Variants in MRC2 observed in about 807,000 individuals in gnomAD.
MRC2 encodes mannose receptor C-type 2.
MRC2 carries 84 observed loss-of-function variants against 206.2 expected under a neutral mutation model. That is an observed-to-expected ratio of 0.41 (90% CI 0.34 to 0.49). MRC2 has a LOEUF of 0.49. MRC2 is among the 20% of genes least tolerant of loss of function. MRC2 has a pLI of 0.31. For missense variants in MRC2, 1,676 were observed against 2,001.5 expected, an observed-to-expected ratio of 0.84 and a Z score of 3.10; for synonymous variants, 798 against 800.0, an observed-to-expected ratio of 1.00 and a Z score of 0.04.
rs533881472 is a variant in MRC2 at position 62,664,800 on chromosome 17, G to T, written c.371G>T (p.Arg124Leu). ...REALNLRWHC[R>L]TLGDQLSLLL... ...GCACTGAATCTTCGCTGGCATTGTC[G>T]TACACTGGGTGACCAGCTGTCCTTG... The change falls in exon 2 of 30, where the codon CGT (arginine) becomes CTT (leucine). Residue 124 changes from arginine to leucine, a missense_variant. Arg to Leu is a moderately radical substitution (Grantham distance 102, BLOSUM62 -2). Transcript: ENST00000303375. The surrounding 1 kb of genome is among the most constrained non-coding windows in gnomAD (Gnocchi z 4.7). 6.2e-6 allele frequency: 10 copies of T among 1,613,746 alleles called. No homozygotes were observed. The highest frequency in any genetic ancestry group is 8.5e-6 in the Non-Finnish European group (10 of 1,180,034).
At position 62,652,483 on chromosome 17, in the gene MRC2, A is replaced by ACTC. The variant is rs1479232413; in HGVS notation, c.119-12065_119-12064insCTC. Among the ~76,000 whole-genome samples, 2 of 152,162 alleles carry ACTC rather than the reference A, an allele frequency of 1.3e-5. No homozygotes were observed. Among genetic ancestry groups the ACTC allele is most frequent in the African/African-American group, 4.8e-5 (2 of 41,450 alleles). ...AATTCTGCCCTCAGCGGCCTGGTCA[A>ACTC]TGAGGTTGGATCGTTGGCCCAGAAA... On this transcript the variant is annotated intron_variant, in intron 1 of 29. Transcript: ENST00000303375. This position sits in a 1 kb window ranked among gnomAD's most constrained non-coding sequence, Gnocchi z 4.6.
At position 62,677,350 on chromosome 17, in the gene MRC2, G is replaced by A. The variant is rs767488842; in HGVS notation, c.1916G>A (p.Arg639Gln). 3.7e-6 allele frequency: 6 copies of A among 1,609,168 alleles called. No individual in the cohort carries two copies. Among genetic ancestry groups the A allele is most frequent in the East Asian group, 2.2e-5 (1 of 44,712 alleles). Residue 639 changes from arginine (R) to glutamine (Q), a missense_variant, in exon 12 of 30, where the codon CGG becomes CAG. Around this residue, in one of 3 missense-constraint regions of MRC2, gnomAD observed 1,354 missense variants for 1,636.6 expected, o/e 0.83. Coordinates refer to ENST00000303375, the MANE Select transcript of MRC2 (RefSeq NM_006039.5). ...LWEVKNCTSF[R>Q]ARYICRQSLG... ...GAGGTGAAGAACTGTACCTCGTTCC[G>A]GGCCCGCTACATCTGCCGGCAGAGC...
chr17:62,629,353 C>T (rs1442203846), intron 1 of MRC2, among the ~76,000 whole-genome samples: 1 of 152,212 alleles, frequency 6.6e-6, no homozygotes. Context: ...CCCCCTGGAG[C>T]TTTTCATAGA....
At chr17:62,665,024 C>A in intron 2 of MRC2, 75 bp downstream of exon 2, 1 of 1,481,970 alleles carries the variant, frequency 6.7e-7, no homozygotes, top group Non-Finnish European at 9.0e-7. Context: ...GACAGATTCC[C>A]AGTGACAAGG....
At chr17:62,645,620 A>C (rs1370389415) in intron 1 of MRC2, among the ~76,000 whole-genome samples, 1 of 140,786 alleles carries the variant, frequency 7.1e-6, no homozygotes, top group Non-Finnish European at 1.5e-5. Flanking sequence ...TGCAGCCTCA[A>C]TCTTCTGGGC....
intron 1 of MRC2, among the ~76,000 whole-genome samples, chr17:62,633,889 C>G: frequency 8.2e-6 from 1 of 121,470 alleles, no homozygotes; most frequent in East Asian, 2.6e-4. Context: ...AAAATCCTAA[C>G]TACAGCTGTC....
chr17:62,692,098 C>T lies in MRC2; in HGVS notation c.4193-14C>T. 6.2e-7 allele frequency: 1 copy of T among 1,614,240 alleles called. No homozygotes were observed. Among genetic ancestry groups the T allele is most frequent in the East Asian group, 2.2e-5 (1 of 44,884 alleles). On this transcript the variant is annotated splice_polypyrimidine_tract_variant and intron_variant, in intron 28 of 29. Transcript: ENST00000303375. This position sits in a 1 kb window ranked among gnomAD's most constrained non-coding sequence, Gnocchi z 4.2. ...CACTGCTATTATTAACTGGCCCCCTCCTCTTGCCCACAGCTGAGCAGAGCA... is the reference window on the plus strand; with the variant it reads ...CACTGCTATTATTAACTGGCCCCCTTCTCTTGCCCACAGCTGAGCAGAGCA...
Position 62,688,312 on chromosome 17 carries a change from A to C in MRC2, c.2970A>C (p.Glu990Asp), listed in dbSNP as rs2147492292. The part of the protein sequence containing the change: ...LNKCFQVQGQ[E>D]PQSRVKWSEA... ...AGTGTTTTCAGGTCCAGGGCCAGGAACCCCAGAGCCGGGTGAAGTGGTCAG... is the reference window on the plus strand; with the variant it reads ...AGTGTTTTCAGGTCCAGGGCCAGGACCCCCAGAGCCGGGTGAAGTGGTCAG... The change falls in exon 21 of 30, where the codon GAA becomes GAC. Residue 990 changes from glutamate to aspartate, a missense_variant. By Grantham distance (45) the Glu-to-Asp change is conservative. Transcript: ENST00000303375. 6.2e-7 allele frequency: 1 copy of C among 1,614,078 alleles called. No individual in the cohort carries two copies. The highest frequency in any genetic ancestry group is 8.5e-7 in the Non-Finnish European group (1 of 1,180,014).
intron 1 of MRC2, among the ~76,000 whole-genome samples, chr17:62,631,550 T>G (rs1365365961): frequency 6.6e-6 from 1 of 152,038 alleles, no homozygotes; most frequent in African/African-American, 2.4e-5. Context: ...TTCTGCCTTA[T>G]GTGTTCTCCC....
At chr17:62,635,081 T>C (rs917856971) in intron 1 of MRC2, among the ~76,000 whole-genome samples, 8 of 151,968 alleles carry the variant, frequency 5.3e-5, no homozygotes, top group South Asian at 2.1e-4. Flanking sequence ...TCCACCCGCC[T>C]TGGCCTCCCA....
chr17:62,639,000 C>G (rs956877086), intron 1 of MRC2, among the ~76,000 whole-genome samples: 1 of 152,162 alleles, frequency 6.6e-6, no homozygotes, highest in Admixed American at 6.5e-5. Flanking sequence ...TATAGTTGAT[C>G]ACACTTGAGG....
chr17:62,678,514 C>T lies in MRC2; in HGVS notation c.2063C>T (p.Ser688Leu), dbSNP rs781545437. 3.3e-5 allele frequency: 54 copies of T among 1,612,542 alleles called. No individual in the cohort carries two copies. Among genetic ancestry groups the T allele is most frequent in the Non-Finnish European group, 4.5e-5 (53 of 1,179,448 alleles). The change falls in exon 13 of 30, where the codon TCA becomes TTA. Residue 688 changes from serine (S) to leucine (L), a missense_variant. Coordinates refer to ENST00000303375, the MANE Select transcript of MRC2 (RefSeq NM_006039.5). The stretch of plus-strand genomic sequence containing the variant: ...ACTCTGCCCCTGCAGGTGTTCAGCT[C>T]AGAGCGGCTGCAGGACAAGAAGAGC... ...KLRYCYKVFS[S>L]ERLQDKKSWV...
intron 13 of MRC2, among the ~76,000 whole-genome samples, chr17:62,678,893 A>T (rs550523109): frequency 1.3e-5 from 2 of 152,198 alleles, no homozygotes; most frequent in South Asian, 4.1e-4. Context: ...TGTTTTGCTC[A>T]CCATCATCCC....
At chr17:62,640,104 C>T (rs1284837025) in intron 1 of MRC2, among the ~76,000 whole-genome samples, 1 of 148,564 alleles carries the variant, frequency 6.7e-6, no homozygotes, top group Non-Finnish European at 1.5e-5. Flanking sequence ...CTCCTGACCT[C>T]AGGTGATCTG....
intron 1 of MRC2, among the ~76,000 whole-genome samples, chr17:62,643,955 G>GTATA (rs141987814): frequency 6.6e-6 from 1 of 152,046 alleles, no homozygotes; most frequent in African/African-American, 2.4e-5. Flanking sequence ...GTATATTTAT[G>GTATA]TATATATATG....
chr17:62,677,435 C>T lies in MRC2; in HGVS notation c.2001C>T (p.Gly667=). Residue 667 remains glycine (G), a synonymous_variant, in exon 12 of 30, where the codon GGC becomes GGT. Coordinates refer to ENST00000303375, the MANE Select transcript of MRC2 (RefSeq NM_006039.5). ...CAGATCCCACGCCCAGCCTCACTGG[C>T]TCCTGTCCCCAGGGCTGGGCCTCGG... ...PGPDPTPSLT[G]SCPQGWASDT... 6.2e-7 allele frequency: 1 copy of T among 1,611,582 alleles called. No homozygotes were observed. Among genetic ancestry groups the T allele is most frequent in the South Asian group, 1.1e-5 (1 of 90,836 alleles).
Position 62,667,436 on chromosome 17 carries a change from T to C in MRC2, c.1020T>C (p.Thr340=), listed in dbSNP as rs775398705. 8 of 1,612,186 alleles carry C rather than the reference T, an allele frequency of 5.0e-6. No individual in the cohort carries two copies. Among genetic ancestry groups the C allele is most frequent in the African/African-American group, 2.7e-5 (2 of 74,842 alleles). Residue 340 remains threonine (T), a synonymous_variant, in exon 6 of 30, where the codon ACT becomes ACC. Transcript: ENST00000303375. This position sits in a 1 kb window ranked among gnomAD's most constrained non-coding sequence, Gnocchi z 4.1. The part of the protein sequence containing the change: ...PSEENCGVIR[T]ESSGGWQNRD... ...AGGAGAACTGTGGAGTGATCCGCAC[T>C]GAGTCCTCGGGCGGCTGGCAGAACC... is the stretch of plus-strand genomic sequence containing the variant.
chr17:62,682,368 C>A lies in MRC2; in HGVS notation c.2937C>A (p.Phe979Leu), dbSNP rs2088979238. The change falls in exon 20 of 30, where the codon TTC becomes TTA. Residue 979 changes from phenylalanine to leucine, a missense_variant. Phe to Leu is a conservative substitution (Grantham distance 22). Transcript: ENST00000303375. ...GCTGCCCCTCTGACTGGATCCAGTT[C>A]CTCAACAAGGTAGGAGGTGGCAATG... ...LGGCPSDWIQFLNKCFQVQGQ... is the reference protein window; with the variant it reads ...LGGCPSDWIQLLNKCFQVQGQ... The A allele has an allele frequency of 1.2e-6, 2 of 1,606,160 alleles. No individual in the cohort carries two copies. The highest frequency in any genetic ancestry group is 1.7e-6 in the Non-Finnish European group (2 of 1,177,062).
rs375253859 is a variant in MRC2, at chr17:62,664,969, C to T, written c.520+20C>T. 4.4e-5 allele frequency: 70 copies of T among 1,579,324 alleles called. No homozygotes were observed. The highest frequency in any genetic ancestry group is 6.7e-5 in the East Asian group (3 of 44,626). ...ACCACGGTGAGGGGCCGCTTGCAGG[C>T]GGGAGGGTGGGGTCCCCGATGTCCA... On this transcript the variant is annotated intron_variant, in intron 2 of 29. Transcript: ENST00000303375. The surrounding 1 kb of genome is among the most constrained non-coding windows in gnomAD (Gnocchi z 4.7).
Sources: gnomAD v4.1 joint callset for allele counts (sites outside exome capture counted in the v4.1 genomes callset) on GRCh38, gnomAD v4.1.1 for gene constraint, gnomAD v4.1.1 regional missense constraint, Gnocchi (gnomAD v3.1) non-coding constraint, MANE v1.5 for transcripts, NCBI Gene and HGNC (gene_info 2026-07-23, HGNC 2026-07-21) for gene names.